Variants in PCNX1 observed in about 807,000 individuals in gnomAD.
PCNX1 encodes pecanex 1.
Under a neutral mutation model 242.2 loss-of-function variants are expected in PCNX1, and 78 were observed. The ratio of observed to expected loss-of-function variants is 0.32; its 90% confidence interval spans 0.27 to 0.39. The LOEUF (loss-of-function observed/expected upper bound fraction) is 0.39, where lower values mean the gene tolerates loss of function less well. PCNX1 is among the 10% of genes least tolerant of loss of function. The pLI is 1.00. For missense variants in PCNX1, 2,581 were observed against 2,856.5 expected (o/e 0.90, Z 2.20); for synonymous variants, 1,024 against 1,032.9 (o/e 0.99, Z 0.17).
rs147312158 is a variant in PCNX1 at position 70,945,485 on chromosome 14, T to A, written c.154-1430T>A. On this transcript the variant is annotated intron_variant, in intron 1 of 35. Transcript: ENST00000304743. ...TAACAAATATTTAATATATACCTAT[T>A]ATGCCGACACTCAACACAAAATTAT... is the stretch of plus-strand genomic sequence containing the variant. Among the ~76,000 whole-genome samples, 12 of 151,828 alleles carry A rather than the reference T, an allele frequency of 7.9e-5. No individual in the cohort carries two copies. The East Asian group carries it at 2.3e-3, about 29-fold the overall frequency.
At chr14:71,086,318 G>A (rs1468323549) in intron 28 of PCNX1, among the ~76,000 whole-genome samples, 1 of 152,132 alleles carries the variant, frequency 6.6e-6, no homozygotes, top group Non-Finnish European at 1.5e-5. Context: ...TTGATTGAGT[G>A]GTTAATTGAT....
chr14:70,991,769 T>C (rs1159040197), intron 7 of PCNX1, among the ~76,000 whole-genome samples: 2 of 152,328 alleles, frequency 1.3e-5, no homozygotes, highest in African/African-American at 4.8e-5. Flanking sequence ...AGTTACAGAA[T>C]AGTAATCTCG....
At chr14:71,066,608 C>T (rs887881489) in intron 26 of PCNX1, among the ~76,000 whole-genome samples, 1 of 152,170 alleles carries the variant, frequency 6.6e-6, no homozygotes, top group African/African-American at 2.4e-5. Context: ...ATTTCTTTCT[C>T]TTGGCTGATT....
At chr14:70,943,852 A>G (rs1041251180) in intron 1 of PCNX1, among the ~76,000 whole-genome samples, 3 of 152,196 alleles carry the variant, frequency 2.0e-5, no homozygotes, top group Non-Finnish European at 2.9e-5. Context: ...TGTGGTTAAA[A>G]GGGGCCAATG....
intron 26 of PCNX1, among the ~76,000 whole-genome samples, chr14:71,064,952 C>T (rs2061412686): frequency 2.0e-5 from 3 of 152,102 alleles, no homozygotes; most frequent in Admixed American, 1.3e-4. Context: ...TGAACTCATC[C>T]TTTTTTATGG....
At chr14:71,050,458 C>T (rs922894380) in intron 22 of PCNX1, among the ~76,000 whole-genome samples, 194 bp from the exon 23 acceptor site, 3 of 152,082 alleles carry the variant, frequency 2.0e-5, no homozygotes, top group Admixed American at 2.0e-4. Flanking sequence ...TATAAAGTAT[C>T]TTTACTCAGA....
At chr14:71,028,608 C>T in intron 15 of PCNX1, 92 bp from the exon 16 acceptor site, 2 of 695,554 alleles carry the variant, frequency 2.9e-6, no homozygotes, top group East Asian at 3.0e-5. Flanking sequence ...TGATAGTTGA[C>T]ATTATAATAT....
chr14:70,985,223 A>C (rs977831267), intron 6 of PCNX1, among the ~76,000 whole-genome samples: 1 of 152,056 alleles, frequency 6.6e-6, no homozygotes, highest in Non-Finnish European at 1.5e-5. Flanking sequence ...TTTTAATTTT[A>C]TTTTATTTTA....
chr14:71,088,559 C>G (rs2062050905), intron 29 of PCNX1, 129 bp downstream of exon 29: 1 of 534,092 alleles, frequency 1.9e-6, no homozygotes, highest in Non-Finnish European at 3.4e-6. Context: ...TTTTATATTT[C>G]TATACATCAT....
intron 2 of PCNX1, among the ~76,000 whole-genome samples, chr14:70,960,093 T>C: frequency 9.3e-6 from 1 of 107,682 alleles, no homozygotes; most frequent in Non-Finnish European, 2.0e-5. Context: ...TTTTTTCTTG[T>C]AAATTTGTTT....
intron 19 of PCNX1, 21 bp downstream of exon 19, chr14:71,036,178 T>C (rs368402250): frequency 1.4e-6 from 2 of 1,460,364 alleles, no homozygotes; most frequent in Non-Finnish European, 1.9e-6. Flanking sequence ...ATTTTCTCCT[T>C]TTATTTGTTT....
intron 26 of PCNX1, among the ~76,000 whole-genome samples, chr14:71,067,735 G>A (rs540308335): frequency 3.7e-4 from 56 of 152,108 alleles, no homozygotes; most frequent in African/African-American, 1.3e-3. Context: ...TCTCTCTTGT[G>A]GGCACTTAGT....
At chr14:71,047,495 G>A (rs892474829) in intron 21 of PCNX1, among the ~76,000 whole-genome samples, 2 of 152,058 alleles carry the variant, frequency 1.3e-5, no homozygotes, top group Non-Finnish European at 2.9e-5. Flanking sequence ...TTTTTCATTT[G>A]CTAAATGCAG....
intron 30 of PCNX1, among the ~76,000 whole-genome samples, chr14:71,095,719 A>T (rs1213374160): frequency 1.3e-5 from 2 of 152,204 alleles, no homozygotes; most frequent in African/African-American, 4.8e-5. Context: ...CATCTTTCCA[A>T]ATCACCACAT....
At chr14:70,936,701 T>C (rs1273338619) in intron 1 of PCNX1, among the ~76,000 whole-genome samples, 12 of 152,322 alleles carry the variant, frequency 7.9e-5, no homozygotes, top group East Asian at 1.9e-4. Flanking sequence ...CTTGAGGAAT[T>C]GCCACACTGT....
At chr14:70,937,390 A>G (rs1293319455) in intron 1 of PCNX1, among the ~76,000 whole-genome samples, 1 of 152,214 alleles carries the variant, frequency 6.6e-6, no homozygotes, top group African/African-American at 2.4e-5. Flanking sequence ...TTAAATAGGG[A>G]ATCCTTTCCC....
chr14:71,113,688 C>T lies in PCNX1; in HGVS notation c.*3753C>T, dbSNP rs2062798253. On this transcript the variant is annotated 3_prime_UTR_variant, in exon 36 of 36. Transcript: ENST00000304743. ...TAGCTAGCTTTCAAGCATCTTTCCTCCTAAATAAATATGTGACTTGAGAAA... is the reference window on the plus strand; with the variant it reads ...TAGCTAGCTTTCAAGCATCTTTCCTTCTAAATAAATATGTGACTTGAGAAA... The T allele has an allele frequency of 6.6e-6, 1 of 152,246 alleles. No individual in the cohort carries two copies. Among genetic ancestry groups the T allele is most frequent in the Non-Finnish European group, 1.5e-5 (1 of 68,030 alleles). The allele number at this position is 152,246 out of a possible 1,614,324, so 9.4% of individuals were successfully genotyped here.
chr14:71,089,344 TAAG>T lies in PCNX1; in HGVS notation c.5589+7_5589+9del. 6.2e-7 allele frequency: 1 copy of T among 1,606,380 alleles called. No individual in the cohort carries two copies. Among genetic ancestry groups the T allele is most frequent in the Non-Finnish European group, 8.5e-7 (1 of 1,175,232 alleles). On this transcript the variant is annotated splice_donor_5th_base_variant and intron_variant, in intron 30 of 35. Coordinates refer to ENST00000304743, the MANE Select transcript of PCNX1 (RefSeq NM_014982.3). ...CGTATGTCCATTAAACTTCATCAGG[TAAG>T]AAGATGAGATTTTTCTAATTCATTA...
intron 6 of PCNX1, 64 bp downstream of exon 6, chr14:70,978,712 T>G (rs777597628): frequency 1.6e-4 from 210 of 1,333,368 alleles, no homozygotes; most frequent in Non-Finnish European, 2.0e-4. Context: ...TTAATTAGAG[T>G]AGTACTTACT....
Sources: allele counts gnomAD v4.1 joint callset (sites outside exome capture counted in the v4.1 genomes callset), GRCh38; gene constraint gnomAD v4.1.1; transcripts MANE v1.5; gene names NCBI Gene and HGNC (gene_info 2026-07-23, HGNC 2026-07-21).